Variants in PPEF2 observed in about 807,000 individuals in gnomAD.
PPEF2 encodes the protein protein phosphatase with EF-hand domain 2, also known as serine/threonine-protein phosphatase with EF-hands 2.
PPEF2 carries 84 observed loss-of-function variants against 84.7 expected under a neutral mutation model. The ratio of observed to expected loss-of-function variants is 0.99; its 90% confidence interval spans 0.83 to 1.19. The LOEUF (loss-of-function observed/expected upper bound fraction) is 1.19, where lower values mean the gene tolerates loss of function less well. Ranked by LOEUF, PPEF2 falls within the 50% of genes most tolerant of loss-of-function variation. The pLI, the probability that PPEF2 is intolerant of heterozygous loss-of-function variation, is 0.00. For synonymous variants in PPEF2, 346 were observed against 345.2 expected (o/e 1.00, Z -0.03); for missense variants, 924 against 937.5 (o/e 0.99, Z 0.19).
chr4:75,888,623 C>T (rs1447534151), intron 5 of PPEF2, among the ~76,000 whole-genome samples: 4 of 152,200 alleles, frequency 2.6e-5, no homozygotes, highest in Admixed American at 6.5e-5. Flanking sequence ...GTGATTGTTT[C>T]AGTAAAGTAT....
intron 10 of PPEF2, among the ~76,000 whole-genome samples, chr4:75,879,954 G>A (rs13103042): frequency 0.87 from 131,615 of 151,876 alleles, 59,822 homozygotes; most frequent in Non-Finnish European, 0.99. Flanking sequence ...TCAGCCTCCC[G>A]AGTAGCTGGG....
At chr4:75,879,110 T>A (rs1578007669) in intron 10 of PPEF2, among the ~76,000 whole-genome samples, 1 of 152,334 alleles carries the variant, frequency 6.6e-6, no homozygotes, top group Admixed American at 6.5e-5. Flanking sequence ...TGTAGACTGA[T>A]GTCCCACACC....
chr4:75,865,661 C>T (rs1233254570), intron 15 of PPEF2, among the ~76,000 whole-genome samples: 1 of 152,196 alleles, frequency 6.6e-6, no homozygotes, highest in Non-Finnish European at 1.5e-5. Flanking sequence ...GCTAGGATTA[C>T]AGGAGTGAGC....
intron 8 of PPEF2, 89 bp downstream of exon 8, chr4:75,884,505 G>T: frequency 7.3e-7 from 1 of 1,367,902 alleles, no homozygotes; most frequent in Non-Finnish European, 9.9e-7. Flanking sequence ...AGTTTTAAAG[G>T]CATTTAACAA....
At position 75,896,160 on chromosome 4, in the gene PPEF2, G is replaced by A. The variant is rs548000872; in HGVS notation, c.55+111C>T. The A allele has an allele frequency of 2.5e-5, 30 of 1,193,448 alleles. No homozygotes were observed. In the Admixed American group the frequency reaches 5.1e-4, roughly 20 times the overall value. 73.9% of individuals were successfully genotyped at this position (1,193,448 alleles called of 1,614,324 possible). On this transcript the variant is annotated intron_variant, in intron 2 of 16. Transcript: ENST00000286719. ...GAAGCTGACCTCTAAGAGCTGGCCT[G>A]AGGAGAAATTTAAGGGTTTTTCTGC...
chr4:75,884,746 C>A lies in PPEF2; in HGVS notation c.594G>T (p.Ser198=), dbSNP rs374930319. 3.1e-6 allele frequency: 5 copies of A among 1,589,300 alleles called. No homozygotes were observed. The African/African-American group carries it at 4.1e-5, about 13-fold the overall frequency. ...CGTTGAACACATATGACCGTTCTGG[C>A]GACGGGAGGCCATTCTTTTCAACAA... ...IFIFYKNGLP[S]PERSYVFNGD... is the part of the protein sequence containing the mutation. The change falls in exon 8 of 17, where the codon TCG becomes TCT. Residue 198 remains serine (S), a synonymous_variant. Transcript: ENST00000286719.
At chr4:75,873,816 T>C (rs1321141762) in intron 11 of PPEF2, among the ~76,000 whole-genome samples, 1 of 152,020 alleles carries the variant, frequency 6.6e-6, no homozygotes, top group Non-Finnish European at 1.5e-5. Flanking sequence ...TTTTACAAAT[T>C]GCAGAAGAGG....
rs367646919 is a variant in PPEF2 at position 75,860,770 on chromosome 4, G to T, written c.2159C>A (p.Ala720Asp). The change falls in exon 17 of 17, where the codon GCC becomes GAC. Residue 720 changes from alanine to aspartate, a missense_variant. Transcript: ENST00000286719. The part of the protein sequence containing the change: ...GHIDINEFLE[A>D]FRLVEKSCPE... ...GCAGGATTTCTCCACAAGGCGGAAGGCCTCCAGGAACTCATTGATATCAAT... is the reference window on the plus strand; with the variant it reads ...GCAGGATTTCTCCACAAGGCGGAAGTCCTCCAGGAACTCATTGATATCAAT... 5.3e-5 allele frequency: 85 copies of T among 1,614,128 alleles called. 1 individual carries two copies. The South Asian group carries it at 8.9e-4, about 17-fold the overall frequency.
In PPEF2 at chr4:75,879,475, T is replaced by C. The variant is rs576422119; in HGVS notation, c.934-2802A>G. ...TTATAATAATCAGGCAGAAAAAATA[T>C]TGTGCCTTCTGCTTTCAATACTATC... is the stretch of plus-strand genomic sequence containing the variant. On this transcript the variant is annotated intron_variant, in intron 10 of 16. Coordinates refer to ENST00000286719, the MANE Select transcript of PPEF2 (RefSeq NM_006239.3). Among the ~76,000 whole-genome samples the C allele has an allele frequency of 2.0e-5, 3 of 152,304 alleles. No individual in the cohort carries two copies. In the South Asian group the frequency reaches 6.2e-4, roughly 32 times the overall value.
rs771854329 is a variant in PPEF2, at chr4:75,872,036, G to A, written c.1638C>T (p.Thr546=). 6.3e-7 allele frequency: 1 copy of A among 1,596,904 alleles called. No individual in the cohort carries two copies. Among genetic ancestry groups the A allele is most frequent in the East Asian group, 2.2e-5 (1 of 44,678 alleles). Residue 546 remains threonine, a synonymous_variant, in exon 13 of 17, where the codon ACC becomes ACT. Transcript: ENST00000286719. ...TTGAAAAGTCTTGCCTTTGCCTCATGGTGAGTGTGTGGGTCACCTTGTTAG... is the reference window on the plus strand; with the variant it reads ...TTGAAAAGTCTTGCCTTTGCCTCATAGTGAGTGTGTGGGTCACCTTGTTAG... ...YQANKVTHTL[T]MRQRISRVEE...
intron 1 of PPEF2, among the ~76,000 whole-genome samples, chr4:75,898,975 C>A (rs1422421619): frequency 6.6e-6 from 1 of 151,976 alleles, no homozygotes; most frequent in Non-Finnish European, 1.5e-5. Flanking sequence ...CTAACTGTAA[C>A]ATTGTACCTG....
At chr4:75,867,478 G>T in intron 13 of PPEF2, 59 bp from the exon 14 acceptor site, 1 of 1,225,374 alleles carries the variant, frequency 8.2e-7, no homozygotes, top group Non-Finnish European at 1.2e-6. Context: ...AATACTTAGA[G>T]ATTTTACTAT....
In PPEF2 at chr4:75,866,394, C is replaced by G. The variant is rs1242251340; in HGVS notation, c.1757-42G>C. 2.5e-6 allele frequency: 4 copies of G among 1,603,462 alleles called. No homozygotes were observed. The African/African-American group carries it at 5.4e-5, about 21-fold the overall frequency. On this transcript the variant is annotated intron_variant, in intron 14 of 16. Transcript: ENST00000286719. Reference sequence around the variant, plus strand: ...ACCTGTTGCCTTGTCACCTAGAAGTCTAGTTTCCTGCCCAATGGTGTGTAT... The same window carrying G: ...ACCTGTTGCCTTGTCACCTAGAAGTGTAGTTTCCTGCCCAATGGTGTGTAT...
At chr4:75,892,988 C>T (rs1338844776) in intron 2 of PPEF2, among the ~76,000 whole-genome samples, 4 of 152,096 alleles carry the variant, frequency 2.6e-5, no homozygotes, top group African/African-American at 7.2e-5. Flanking sequence ...TAATATGTTT[C>T]GTTTGCATTA....
intron 6 of PPEF2, among the ~76,000 whole-genome samples, 185 bp downstream of exon 6, chr4:75,888,029 T>C (rs942025793): frequency 6.6e-6 from 1 of 152,192 alleles, no homozygotes. Flanking sequence ...CATGATCCCC[T>C]TCGCTGCACC....
Position 75,897,816 on chromosome 4 carries a change from G to A in PPEF2, c.-58-1433C>T, listed in dbSNP as rs116462716. Among the ~76,000 whole-genome samples the A allele has an allele frequency of 2.4e-3, 368 of 152,118 alleles. 2 individuals carry two copies. The highest frequency in any genetic ancestry group is 7.7e-3 in the African/African-American group (321 of 41,514). ...ACAACAAATCTTCCCCAAAAGCCTCGTCTGCCGAGACCAGCTCAGTCAGGG... is the reference window on the plus strand; with the variant it reads ...ACAACAAATCTTCCCCAAAAGCCTCATCTGCCGAGACCAGCTCAGTCAGGG... On this transcript the variant is annotated intron_variant, in intron 1 of 16. Transcript: ENST00000286719.
At chr4:75,888,360 A>C (rs759680682) in intron 5 of PPEF2, 32 bp from the exon 6 acceptor site, 1 of 1,492,068 alleles carries the variant, frequency 6.7e-7, no homozygotes, top group Admixed American at 1.7e-5. Context: ...AAGGAAGAAA[A>C]CAACACTGAT....
At chr4:75,866,080 A>G (rs1724122765) in intron 15 of PPEF2, 109 bp downstream of exon 15, 8 of 1,246,678 alleles carry the variant, frequency 6.4e-6, no homozygotes, top group Non-Finnish European at 8.8e-6. Flanking sequence ...CCCCTTTCTC[A>G]CCCATCCAGC....
rs1432597574 is a variant in PPEF2, at chr4:75,867,531, TCA to T, written c.1650-114_1650-113del. ...CTTAACATATCAGTCTCCCAAGAGC[TCA>T]GTTTTCGAGGGAGAGCGCCTTTACT... On this transcript the variant is annotated intron_variant, in intron 13 of 16. Coordinates refer to ENST00000286719, the MANE Select transcript of PPEF2 (RefSeq NM_006239.3). The T allele has an allele frequency of 1.2e-5, 9 of 770,934 alleles. 1 individual carries two copies. Among genetic ancestry groups the T allele is most frequent in the East Asian group, 2.8e-5 (1 of 36,230 alleles). 47.8% of individuals were successfully genotyped at this position (770,934 alleles called of 1,614,324 possible).
Sources: allele counts gnomAD v4.1 joint callset (sites outside exome capture counted in the v4.1 genomes callset), GRCh38; gene constraint gnomAD v4.1.1; transcripts MANE v1.5; gene names NCBI Gene and HGNC (gene_info 2026-07-23, HGNC 2026-07-21).